TULP4: variants seen among roughly 807,000 people sequenced by gnomAD.
TULP4 encodes TUB like protein 4.
Under a neutral mutation model 129.0 loss-of-function variants are expected in TULP4, and 16 were observed. The observed-to-expected ratio is 0.12, with a 90% CI of 0.08 to 0.19. The LOEUF (loss-of-function observed/expected upper bound fraction) is 0.19, where lower values mean the gene tolerates loss of function less well. Ranked by LOEUF, TULP4 falls within the 10% of genes least tolerant of loss-of-function variation. The probability of loss-of-function intolerance (pLI) is 1.00; values close to 1 mark genes in which losing one functional copy is unlikely to be tolerated. For synonymous variants in TULP4, 998 were observed against 854.0 expected (o/e 1.17, Z -2.94); for missense variants, 1,842 against 2,059.1 (o/e 0.89, Z 2.04).
chr6:158,426,298 C>T (rs1054751782), intron 2 of TULP4, among the ~76,000 whole-genome samples: 8 of 152,054 alleles, frequency 5.3e-5, no homozygotes, highest in African/African-American at 1.9e-4. Context: ...AATCTTTGCC[C>T]GTTCCTATGT....
At chr6:158,378,874 T>A (rs532013485) in intron 1 of TULP4, among the ~76,000 whole-genome samples, 1 of 152,328 alleles carries the variant, frequency 6.6e-6, no homozygotes, top group African/African-American at 2.4e-5. Flanking sequence ...AGTGAACTTG[T>A]ATTTAATTGA....
At position 158,423,220 on chromosome 6, in the gene TULP4, A is replaced by G. The variant is rs573332016; in HGVS notation, c.382-6516A>G. Among the ~76,000 whole-genome samples the G allele has an allele frequency of 1.7e-3, 259 of 152,276 alleles. 1 individual carries two copies. Among genetic ancestry groups the G allele is most frequent in the African/African-American group, 6.2e-3 (256 of 41,562 alleles). On this transcript the variant is annotated intron_variant, in intron 2 of 13. Transcript: ENST00000367097. Reference sequence around the variant, plus strand: ...ACGTAAGTGTAAAAGCTAAACCTCTAGAAGTCTTTGCAGCCTGGGGCTAAA... The same window carrying G: ...ACGTAAGTGTAAAAGCTAAACCTCTGGAAGTCTTTGCAGCCTGGGGCTAAA...
At chr6:158,295,806 G>A (rs1779019547) in intron 1 of TULP4, among the ~76,000 whole-genome samples, 1 of 152,168 alleles carries the variant, frequency 6.6e-6, no homozygotes, top group South Asian at 2.1e-4. Flanking sequence ...CAGGAGAATG[G>A]CACGAACCTG....
At chr6:158,427,641 G>A (rs543725054) in intron 2 of TULP4, among the ~76,000 whole-genome samples, 23 of 151,540 alleles carry the variant, frequency 1.5e-4, no homozygotes, top group Non-Finnish European at 5.9e-5. Context: ...CTACAGGCGC[G>A]TGCCACCATG....
chr6:158,413,528 C>T lies in TULP4; in HGVS notation c.381+335C>T, dbSNP rs1029025420. Among the ~76,000 whole-genome samples the T allele has an allele frequency of 1.3e-5, 2 of 152,182 alleles. No homozygotes were observed. The highest frequency in any genetic ancestry group is 2.4e-5 in the African/African-American group (1 of 41,442). On this transcript the variant is annotated intron_variant, in intron 2 of 13. Coordinates refer to ENST00000367097, the MANE Select transcript of TULP4 (RefSeq NM_020245.5). This position sits in a 1 kb window ranked among gnomAD's most constrained non-coding sequence, Gnocchi z 4.9. ...CTCTGGCATATCACTGTTTTGCCCC[C>T]TTCGAAAGGTATCTTCCCTGTGTTG...
chr6:158,242,345 A>G lies in TULP4; in HGVS notation n.68+10042A>G, dbSNP rs576713709. 4.3e-4 allele frequency: 662 copies of G among 1,531,810 alleles called. 1 individual carries two copies. Among genetic ancestry groups the G allele is most frequent in the Non-Finnish European group, 3.8e-4 (420 of 1,109,248 alleles). 94.9% of individuals were successfully genotyped at this position (1,531,810 alleles called of 1,614,324 possible). On this transcript the variant is annotated intron_variant and non_coding_transcript_variant, in intron 1 of 1. Transcript: ENST00000620026. ...GGCTCTCTGGAGCCACTTTTTCCCA[A>G]TTGCTTTGAGCTGCAACAACTGCTG...
At chr6:158,366,417 CT>C (rs1278428191) in intron 1 of TULP4, among the ~76,000 whole-genome samples, 1 of 152,216 alleles carries the variant, frequency 6.6e-6, no homozygotes, top group African/African-American at 2.4e-5. Flanking sequence ...AATCTTTTCC[CT>C]TCGAAGGCTG....
intron 1 of TULP4, among the ~76,000 whole-genome samples, chr6:158,331,770 C>CGT (rs1491210616): frequency 0.056 from 608 of 10,854 alleles, 115 homozygotes; most frequent in Middle Eastern, 0.12. Flanking sequence ...TATATATACA[C>CGT]GTATATATAC....
At chr6:158,366,219 G>A in intron 1 of TULP4, among the ~76,000 whole-genome samples, 1 of 152,156 alleles carries the variant, frequency 6.6e-6, no homozygotes, top group East Asian at 1.9e-4. Flanking sequence ...CTTTCTTGAA[G>A]TTGGTTTCCC....
chr6:158,242,662 G>A lies in TULP4; in HGVS notation n.68+10359G>A. 12 of 662,860 alleles carry A rather than the reference G, an allele frequency of 1.8e-5. 1 individual carries two copies. Among genetic ancestry groups the A allele is most frequent in the South Asian group, 1.6e-4 (10 of 64,260 alleles). The allele number at this position is 662,860 out of a possible 1,614,324, so 41.1% of individuals were successfully genotyped here. A position where few individuals can be genotyped will look rare whatever the true frequency, so the allele number is the denominator to read the frequency against. ...TCTCTGAAACTTCCTTTCTGGATAA[G>A]GCATATCACTTTACAATGCAGGCCA... On this transcript the variant is annotated intron_variant and non_coding_transcript_variant, in intron 1 of 1. Coordinates refer to the TULP4 transcript ENST00000620026.
At chr6:158,320,404 T>TA in intron 1 of TULP4, among the ~76,000 whole-genome samples, 2 of 152,102 alleles carry the variant, frequency 1.3e-5, no homozygotes, top group East Asian at 3.9e-4. Context: ...TAATCAAGGT[T>TA]ATTTGTACTG....
At chr6:158,456,556 G>A (rs1465599747) in intron 5 of TULP4, among the ~76,000 whole-genome samples, 1 of 152,116 alleles carries the variant, frequency 6.6e-6, no homozygotes, top group East Asian at 1.9e-4. Context: ...TGCTCAGGCC[G>A]GGCACGATGG....
At chr6:158,391,052 G>A (rs893125204) in intron 1 of TULP4, among the ~76,000 whole-genome samples, 6 of 152,188 alleles carry the variant, frequency 3.9e-5, no homozygotes, top group African/African-American at 1.4e-4. Flanking sequence ...TTCAGCCTGG[G>A]CAACAGAGTG....
intron 5 of TULP4, among the ~76,000 whole-genome samples, chr6:158,452,642 A>C (rs1389018052): frequency 6.6e-6 from 1 of 152,246 alleles, no homozygotes; most frequent in Non-Finnish European, 1.5e-5. Flanking sequence ...ACAAGACATC[A>C]TTTACACAGA....
chr6:158,422,330 T>A (rs755167514), intron 2 of TULP4, among the ~76,000 whole-genome samples: 21 of 152,306 alleles, frequency 1.4e-4, no homozygotes, highest in African/African-American at 5.1e-4. Flanking sequence ...ACGTAAATTA[T>A]AAGATGCAGG....
chr6:158,248,528 C>G (rs959355003), intron 1 of TULP4, among the ~76,000 whole-genome samples: 1 of 152,112 alleles, frequency 6.6e-6, no homozygotes, highest in Non-Finnish European at 1.5e-5. Flanking sequence ...CTCGGCCTCC[C>G]AAAGTGCTGG....
intron 3 of TULP4, among the ~76,000 whole-genome samples, chr6:158,448,126 CA>C (rs1562570252): frequency 6.6e-6 from 1 of 152,140 alleles, no homozygotes; most frequent in Admixed American, 6.5e-5. Flanking sequence ...TTGCTGCTGT[CA>C]TGGAGGGGCG....
rs534211890 is a variant in TULP4, at chr6:158,413,564, G to A, written c.381+371G>A. 1.1e-4 allele frequency among the ~76,000 whole-genome samples: 16 copies of A among 152,040 alleles called. No homozygotes were observed. Among genetic ancestry groups the A allele is most frequent in the Non-Finnish European group, 8.8e-5 (6 of 67,996 alleles). On this transcript the variant is annotated intron_variant, in intron 2 of 13. Coordinates refer to ENST00000367097, the MANE Select transcript of TULP4 (RefSeq NM_020245.5). This position sits in a 1 kb window ranked among gnomAD's most constrained non-coding sequence, Gnocchi z 4.9. ...ATCTTCCCTGTGTTGTCATCTCAGC[G>A]GTCTCATGGAGAGCTTCACGTGACT...
upstream of TULP4, among the ~76,000 whole-genome samples, chr6:158,308,407 A>G (rs1465433959): frequency 6.6e-6 from 1 of 151,988 alleles, no homozygotes; most frequent in African/African-American, 2.4e-5. Flanking sequence ...ACTTCTTTCT[A>G]CACAGACACG....
Sources: gnomAD v4.1 joint callset for allele counts (sites outside exome capture counted in the v4.1 genomes callset) on GRCh38, gnomAD v4.1.1 for gene constraint, Gnocchi (gnomAD v3.1) non-coding constraint, MANE v1.5 for transcripts, NCBI Gene and HGNC (gene_info 2026-07-23, HGNC 2026-07-21) for gene names.